Variants in LPGAT1 observed in about 807,000 individuals in gnomAD.
LPGAT1 encodes the protein acyl-CoA:lysophosphatidylglycerol acyltransferase 1.
LPGAT1 carries 11 observed loss-of-function variants against 47.5 expected under a neutral mutation model. That is an observed-to-expected ratio of 0.23 (90% confidence interval 0.15 to 0.38). The LOEUF (loss-of-function observed/expected upper bound fraction) is 0.38. Ranked by LOEUF, LPGAT1 falls within the 10% of genes least tolerant of loss-of-function variation. LPGAT1 has a pLI of 1.00. For missense variants in LPGAT1, 293 were observed against 439.0 expected, an observed-to-expected ratio of 0.67 and a Z score of 2.97; for synonymous variants, 138 against 144.2, an observed-to-expected ratio of 0.96 and a Z score of 0.31.
At chr1:211,805,094 A>T (rs138985895) in intron 2 of LPGAT1, among the ~76,000 whole-genome samples, 5 of 142,942 alleles carry the variant, frequency 3.5e-5, no homozygotes, top group Non-Finnish European at 6.1e-5. Flanking sequence ...AGTCAAAAGC[A>T]AACACAGAAA....
chr1:211,821,271 G>A (rs1264649846), intron 2 of LPGAT1, among the ~76,000 whole-genome samples: 4 of 151,962 alleles, frequency 2.6e-5, no homozygotes, highest in Non-Finnish European at 4.4e-5. Context: ...AACAAAAAAC[G>A]TATAAAGCAA....
At chr1:211,750,164 T>G (rs2102483408) in intron 7 of LPGAT1, 114 bp from the exon 8 acceptor site, 1 of 848,742 alleles carries the variant, frequency 1.2e-6, no homozygotes, top group East Asian at 2.4e-5. Flanking sequence ...CTTCAGTGAC[T>G]TTCCAGTGCC....
rs185679213 is a variant in LPGAT1, at chr1:211,757,321, C to T, written c.855-6254G>A. Among the ~76,000 whole-genome samples the T allele has an allele frequency of 1.3e-4, 20 of 151,616 alleles. 1 individual carries two copies. In the East Asian group the frequency reaches 2.5e-3, roughly 19 times the overall value. ...TCCTGACTCTACCACTTGCCAGTTG[C>T]GTGACCTTGGGAAAATTGTTTAACT... On this transcript the variant is annotated intron_variant, in intron 6 of 7. Coordinates refer to ENST00000366997, the MANE Select transcript of LPGAT1 (RefSeq NM_014873.3).
At chr1:211,809,761 C>T (rs535780638) in intron 2 of LPGAT1, among the ~76,000 whole-genome samples, 19 of 152,276 alleles carry the variant, frequency 1.2e-4, no homozygotes, top group African/African-American at 4.6e-4. Context: ...GTGAGACCTC[C>T]CCAGCCATGT....
At chr1:211,784,904 C>T (rs916627135) in intron 4 of LPGAT1, among the ~76,000 whole-genome samples, 11 of 150,956 alleles carry the variant, frequency 7.3e-5, no homozygotes, top group African/African-American at 2.2e-4. Flanking sequence ...CCCGGGTTCA[C>T]GCCATTCTCC....
At chr1:211,758,269 T>C (rs904736345) in intron 6 of LPGAT1, among the ~76,000 whole-genome samples, 36 of 152,246 alleles carry the variant, frequency 2.4e-4, no homozygotes, top group Admixed American at 2.2e-3. Flanking sequence ...CAGTGAATGA[T>C]TGAATGTCTG....
chr1:211,753,450 T>A (rs921707748), intron 6 of LPGAT1, among the ~76,000 whole-genome samples: 3 of 152,126 alleles, frequency 2.0e-5, no homozygotes, highest in African/African-American at 7.2e-5. Context: ...ATTTCCTTTA[T>A]TGTATTTTAT....
chr1:211,787,878 A>G, intron 3 of LPGAT1, 151 bp from the exon 4 acceptor site: 1 of 511,566 alleles, frequency 2.0e-6, no homozygotes, highest in Non-Finnish European at 3.4e-6. Flanking sequence ...AACAAAGCAC[A>G]GTTACTAATA....
intron 2 of LPGAT1, among the ~76,000 whole-genome samples, chr1:211,805,039 T>C (rs1031471408): frequency 3.3e-5 from 5 of 151,606 alleles, no homozygotes; most frequent in Admixed American, 6.6e-5. Context: ...AAGTTCCAGA[T>C]TGACAGAATA....
chr1:211,769,784 A>G (rs938039535), intron 6 of LPGAT1, among the ~76,000 whole-genome samples: 3 of 152,152 alleles, frequency 2.0e-5, no homozygotes, highest in Middle Eastern at 3.2e-3. Flanking sequence ...TCCTGTTCCC[A>G]TCTTGATTTT....
chr1:211,795,484 C>T (rs1659314747), intron 2 of LPGAT1, among the ~76,000 whole-genome samples: 1 of 152,182 alleles, frequency 6.6e-6, no homozygotes, highest in South Asian at 2.1e-4. Flanking sequence ...TCTCCTGCCT[C>T]AGCCTCCCAA....
chr1:211,750,447 G>C (rs912126312), intron 7 of LPGAT1, among the ~76,000 whole-genome samples: 2 of 152,172 alleles, frequency 1.3e-5, no homozygotes, highest in African/African-American at 2.4e-5. Context: ...ATCTGCATGA[G>C]AGCAGGCACT....
intron 4 of LPGAT1, 119 bp downstream of exon 4, chr1:211,787,513 C>T: frequency 2.1e-6 from 1 of 483,088 alleles, no homozygotes; most frequent in Non-Finnish European, 3.7e-6. Context: ...AAAAAAAGCT[C>T]CCTAAGACTG....
chr1:211,792,680 C>T (rs1659172150), intron 3 of LPGAT1, among the ~76,000 whole-genome samples: 2 of 141,162 alleles, frequency 1.4e-5, no homozygotes. Context: ...GTCTATATTT[C>T]AAAGCACAGT....
intron 6 of LPGAT1, among the ~76,000 whole-genome samples, chr1:211,776,689 T>C (rs983134272): frequency 6.6e-6 from 1 of 151,932 alleles, no homozygotes; most frequent in African/African-American, 2.4e-5. Context: ...TGAAACAAAA[T>C]TGGCTGGTAC....
At position 211,747,324 on chromosome 1, in the gene LPGAT1, G is replaced by A. The variant is rs1464327221; in HGVS notation, c.*2575C>T. 1 of 152,120 alleles carries A rather than the reference G, an allele frequency of 6.6e-6. No homozygotes were observed. The highest frequency in any genetic ancestry group is 1.5e-5 in the Non-Finnish European group (1 of 68,014). The allele number at this position is 152,120 out of a possible 1,614,324, so 9.4% of individuals were successfully genotyped here. ...TAAAGAATCAAAGAAGGATAGGGCA[G>A]ATCAAATACACATCTATTTACAACT... On this transcript the variant is annotated 3_prime_UTR_variant, in exon 8 of 8. Coordinates refer to ENST00000366997, the MANE Select transcript of LPGAT1 (RefSeq NM_014873.3).
intron 6 of LPGAT1, among the ~76,000 whole-genome samples, chr1:211,752,979 T>C (rs1657269816): frequency 6.6e-6 from 1 of 152,052 alleles, no homozygotes. Flanking sequence ...TAATACACAG[T>C]AGCTGTGTTC....
chr1:211,774,228 AG>A (rs1179654947), intron 6 of LPGAT1, among the ~76,000 whole-genome samples: 1 of 132,798 alleles, frequency 7.5e-6, no homozygotes, highest in Non-Finnish European at 1.5e-5. Flanking sequence ...TCCATCTCCC[AG>A]GTTCAAGAGA....
In LPGAT1 at chr1:211,775,399, C is replaced by T. The variant is rs537527756; in HGVS notation, c.854+3519G>A. Among the ~76,000 whole-genome samples, 29 of 152,216 alleles carry T rather than the reference C, an allele frequency of 1.9e-4. No homozygotes were observed. In the East Asian group the frequency reaches 4.8e-3, roughly 25 times the overall value. ...ATATTGTTTCCCAAGTGAATTCTGA[C>T]GGTAAGGAATGCTATTGCATAACAA... On this transcript the variant is annotated intron_variant, in intron 6 of 7. Coordinates refer to ENST00000366997, the MANE Select transcript of LPGAT1 (RefSeq NM_014873.3).
Sources: allele counts gnomAD v4.1 joint callset (sites outside exome capture counted in the v4.1 genomes callset), GRCh38; gene constraint gnomAD v4.1.1; transcripts MANE v1.5; gene names NCBI Gene and HGNC (gene_info 2026-07-23, HGNC 2026-07-21).